The following NSD2 variants were observed in gnomAD, a reference collection of about 807,000 sequenced individuals.
The protein encoded by NSD2 is nuclear receptor binding SET domain protein 2, also known as histone-lysine N-methyltransferase NSD2.
NSD2 carries 12 observed loss-of-function variants against 139.0 expected under a neutral mutation model. The ratio of observed to expected loss-of-function variants is 0.09; its 90% CI spans 0.06 to 0.14. The LOEUF (loss-of-function observed/expected upper bound fraction) is 0.14. Ranked by LOEUF, NSD2 falls within the 10% of genes least tolerant of loss-of-function variation. The pLI is 1.00. For missense variants in NSD2, 1,155 were observed against 1,745.0 expected, an observed-to-expected ratio of 0.66 and a Z score of 6.02; for synonymous variants, 669 against 648.7, an observed-to-expected ratio of 1.03 and a Z score of -0.48.
intron 1 of NSD2, among the ~76,000 whole-genome samples, chr4:1,898,432 A>G (rs978273832): frequency 1.2e-4 from 18 of 152,172 alleles, no homozygotes; most frequent in African/African-American, 3.4e-4. Flanking sequence ...TGGGAGGCCA[A>G]GGCGGGCGGA....
chr4:1,972,810 A>G lies in NSD2; in HGVS notation c.3373-2053A>G, dbSNP rs770455266. ...TGTGAGAAAAGACATTGTGCACGGA[A>G]GATTCCATTGGGAGCTGGGAAGCTA... On this transcript the variant is annotated intron_variant, in intron 18 of 21. Transcript: ENST00000508803. The surrounding 1 kb of genome is among the most constrained non-coding windows in gnomAD (Gnocchi z 4.0). Among the ~76,000 whole-genome samples the G allele has an allele frequency of 2.9e-4, 44 of 152,338 alleles. No homozygotes were observed. Among genetic ancestry groups the G allele is most frequent in the Non-Finnish European group, 5.7e-4 (39 of 68,026 alleles).
chr4:1,931,121 G>C (rs1455863272), intron 6 of NSD2, among the ~76,000 whole-genome samples: 6 of 152,190 alleles, frequency 3.9e-5, no homozygotes, highest in African/African-American at 1.4e-4. Flanking sequence ...AGGCTTACAT[G>C]ATGTGGTAGG....
rs1367549846 is a variant in NSD2 at position 1,976,598 on chromosome 4, G to A, written c.3745G>A (p.Gly1249Arg). The A allele has an allele frequency of 1.2e-6, 2 of 1,611,230 alleles. No homozygotes were observed. The highest frequency in any genetic ancestry group is 1.3e-5 in the African/African-American group (1 of 74,924). Residue 1249 changes from glycine (G) to arginine (R), a missense_variant, in exon 21 of 22, where the codon GGG (glycine) becomes AGG (arginine). Transcript: ENST00000508803. This position sits in a 1 kb window ranked among gnomAD's most constrained non-coding sequence, Gnocchi z 5.3. ...EDECFRCGDG[G>R]QLVLCDRKFC... Reference sequence around the variant, plus strand: ...CGAGTGCTTCCGCTGCGGTGATGGCGGGCAGCTGGTGCTGTGTGACCGCAA... The same window carrying A: ...CGAGTGCTTCCGCTGCGGTGATGGCAGGCAGCTGGTGCTGTGTGACCGCAA...
At chr4:1,940,089 C>A (rs1722931638) in intron 9 of NSD2, 1 of 1,228,398 alleles carries the variant, frequency 8.1e-7, no homozygotes, top group Non-Finnish European at 1.0e-6. Flanking sequence ...GTGTAGCCCT[C>A]ACACTGTAAG....
intron 5 of NSD2, among the ~76,000 whole-genome samples, chr4:1,922,562 T>C (rs563522149): frequency 6.6e-6 from 1 of 152,338 alleles, no homozygotes; most frequent in South Asian, 2.1e-4. Flanking sequence ...TGGATGCTGC[T>C]GTGGCCACAT....
intron 11 of NSD2, chr4:1,952,932 T>TTATG: frequency 7.0e-7 from 1 of 1,421,258 alleles, no homozygotes; most frequent in East Asian, 2.5e-5. Context: ...AGCACCTCAC[T>TTATG]TATGGGAGTG....
intron 9 of NSD2, chr4:1,943,505 T>C: frequency 1.9e-6 from 2 of 1,047,462 alleles, no homozygotes; most frequent in Non-Finnish European, 2.3e-6. Context: ...CTTGACTGCA[T>C]TATGCATGCG....
rs1393187232 is a variant in NSD2, at chr4:1,918,621, G to A, written c.1408G>A (p.Glu470Lys). The A allele has an allele frequency of 6.2e-7, 1 of 1,613,516 alleles. No homozygotes were observed. ...FLVFCQKHRD[E>K]VVAEHPDASG... ...GGTCTTCTGTCAAAAACACAGGGAT[G>A]AGGTCAGTACTAAGTTGTGTTTCAT... Residue 470 changes from glutamate (E) to lysine (K), a missense_variant and splice_region_variant, in exon 5 of 22, where the codon GAG (glutamate) becomes AAG (lysine). Glu to Lys is a moderately conservative substitution (Grantham distance 56). Coordinates refer to ENST00000508803, the MANE Select transcript of NSD2 (RefSeq NM_001042424.3).
chr4:1,919,880 G>A (rs1719892896), intron 5 of NSD2, among the ~76,000 whole-genome samples: 1 of 151,812 alleles, frequency 6.6e-6, no homozygotes, highest in Non-Finnish European at 1.5e-5. Flanking sequence ...AGGTTGCAGT[G>A]AGCCAAGATT....
chr4:1,979,871 G>T lies in NSD2; in HGVS notation c.*962G>T, dbSNP rs1727581880. The T allele has an allele frequency of 4.3e-6, 1 of 232,634 alleles. No individual in the cohort carries two copies. The highest frequency in any genetic ancestry group is 8.5e-6 in the Non-Finnish European group (1 of 117,728). The allele number at this position is 232,634 out of a possible 1,614,324, so 14.4% of individuals were successfully genotyped here. On this transcript the variant is annotated 3_prime_UTR_variant, in exon 22 of 22. Coordinates refer to ENST00000508803, the MANE Select transcript of NSD2 (RefSeq NM_001042424.3). Reference sequence around the variant, plus strand: ...AAAGGAGTGACTTTGCAGGGCGTGAGACCGCAGTCTGCTTAGAGCACAGGA... The same window carrying T: ...AAAGGAGTGACTTTGCAGGGCGTGATACCGCAGTCTGCTTAGAGCACAGGA...
At chr4:1,878,573 C>T (rs766667797) in intron 1 of NSD2, among the ~76,000 whole-genome samples, 1 of 152,028 alleles carries the variant, frequency 6.6e-6, no homozygotes, top group Non-Finnish European at 1.5e-5. Context: ...GTCATGTCCT[C>T]AGCACCTGGA....
chr4:1,875,137 T>A (rs1388511593), intron 1 of NSD2, among the ~76,000 whole-genome samples: 1 of 151,992 alleles, frequency 6.6e-6, no homozygotes, highest in Non-Finnish European at 1.5e-5. Flanking sequence ...AATTTTAAAA[T>A]TTTTTATGGA....
chr4:1,924,360 C>T (rs895187790), intron 5 of NSD2, among the ~76,000 whole-genome samples: 11 of 151,872 alleles, frequency 7.2e-5, no homozygotes, highest in African/African-American at 1.9e-4. Context: ...AAGGCGGTGT[C>T]GGGTGGGAAC....
chr4:1,940,036 A>T (rs1722927720), intron 9 of NSD2: 1 of 1,330,570 alleles, frequency 7.5e-7, no homozygotes, highest in African/African-American at 1.5e-5. Context: ...GTCTTGATGC[A>T]GTTTCATAGT....
chr4:1,962,003 A>G (rs1379337755), intron 18 of NSD2, among the ~76,000 whole-genome samples: 1 of 152,258 alleles, frequency 6.6e-6, no homozygotes, highest in Non-Finnish European at 1.5e-5. Flanking sequence ...TGAAAACCAG[A>G]TAGAAAATGA....
intron 1 of NSD2, among the ~76,000 whole-genome samples, chr4:1,879,956 TG>T (rs1483734344): frequency 2.0e-5 from 3 of 152,080 alleles, no homozygotes; most frequent in African/African-American, 7.2e-5. Context: ...CTCCAGGTTG[TG>T]AATTTTTCAA....
At chr4:1,929,592 G>A (rs1043897489) in intron 5 of NSD2, among the ~76,000 whole-genome samples, 10 of 152,238 alleles carry the variant, frequency 6.6e-5, no homozygotes, top group Non-Finnish European at 1.2e-4. Context: ...ACAGCCATGG[G>A]CAGCATGGGA....
rs1381797412 is a variant in NSD2, at chr4:1,976,712, G to A, written c.3826+33G>A. ...TGCAGCCTCGCGGTGGCTTGCAGCT[G>A]TGTCTGTGTGGCAGGCTCCTGATGG... On this transcript the variant is annotated intron_variant, in intron 21 of 21. Transcript: ENST00000508803. The surrounding 1 kb of genome is among the most constrained non-coding windows in gnomAD (Gnocchi z 5.3). The A allele has an allele frequency of 3.9e-6, 6 of 1,540,490 alleles. No homozygotes were observed. The highest frequency in any genetic ancestry group is 5.3e-6 in the Non-Finnish European group (6 of 1,141,426).
At chr4:1,873,369 A>T (rs1230672691) in intron 1 of NSD2, among the ~76,000 whole-genome samples, 2 of 152,234 alleles carry the variant, frequency 1.3e-5, no homozygotes, top group African/African-American at 4.8e-5. Flanking sequence ...TATCGTATCT[A>T]TTCGTATGTA....
Sources: gnomAD v4.1 joint callset for allele counts (sites outside exome capture counted in the v4.1 genomes callset) on GRCh38, gnomAD v4.1.1 for gene constraint, Gnocchi (gnomAD v3.1) non-coding constraint, MANE v1.5 for transcripts, NCBI Gene and HGNC (gene_info 2026-07-23, HGNC 2026-07-21) for gene names.